CDC25A: variants seen among roughly 807,000 people sequenced by gnomAD.
CDC25A encodes the protein cell division cycle 25A, also known as M-phase inducer phosphatase 1.
A neutral mutation model predicts 64.6 loss-of-function variants in CDC25A; 17 were observed. The observed-to-expected ratio is 0.26, with a 90% CI of 0.18 to 0.39. The LOEUF (loss-of-function observed/expected upper bound fraction) is 0.39, where lower values mean the gene tolerates loss of function less well. CDC25A is among the 10% of genes least tolerant of loss of function. The pLI is 1.00. For synonymous variants in CDC25A, 229 were observed against 238.6 expected, an observed-to-expected ratio of 0.96 and a Z score of 0.37; for missense variants, 473 against 654.8, an observed-to-expected ratio of 0.72 and a Z score of 3.03.
intron 1 of CDC25A, among the ~76,000 whole-genome samples, chr3:48,187,170 G>A (rs2032872186): frequency 6.6e-6 from 1 of 152,202 alleles, no homozygotes. Context: ...GAGATTGAAG[G>A]GAAAGTAGCT....
intron 12 of CDC25A, among the ~76,000 whole-genome samples, chr3:48,164,946 A>G (rs1230086868): frequency 7.3e-6 from 1 of 136,982 alleles, no homozygotes; most frequent in Admixed American, 7.4e-5. Context: ...CGTCTCTACT[A>G]AAAAAAAAAA....
intron 9 of CDC25A, among the ~76,000 whole-genome samples, chr3:48,170,077 A>G (rs573658030): frequency 1.3e-5 from 2 of 152,098 alleles, no homozygotes; most frequent in African/African-American, 2.4e-5. Context: ...TGAGGAAAAC[A>G]CCCCACAAAC....
At chr3:48,177,211 G>C (rs2032496926) in intron 8 of CDC25A, among the ~76,000 whole-genome samples, 160 bp downstream of exon 8, 1 of 152,124 alleles carries the variant, frequency 6.6e-6, no homozygotes, top group Admixed American at 6.6e-5. Context: ...GAGATATCAT[G>C]ACTAAAGGTC....
intron 7 of CDC25A, 90 bp from the exon 8 acceptor site, chr3:48,177,532 C>T: frequency 3.2e-6 from 3 of 945,602 alleles, no homozygotes; most frequent in Non-Finnish European, 3.4e-6. Flanking sequence ...CTGAACAATA[C>T]CAGATAGGCC....
chr3:48,180,103 T>C (rs771502466), intron 6 of CDC25A, among the ~76,000 whole-genome samples: 2 of 151,916 alleles, frequency 1.3e-5, no homozygotes, highest in Non-Finnish European at 2.9e-5. Context: ...TTTAAAAAAA[T>C]TAAAAATAAA....
intron 9 of CDC25A, among the ~76,000 whole-genome samples, chr3:48,168,181 TAAAAAAA>T (rs33925813): frequency 8.9e-5 from 11 of 124,170 alleles, no homozygotes; most frequent in African/African-American, 2.7e-4. Context: ...CTTCCTTCCT[TAAAAAAA>T]AAAAAAAAAA....
chr3:48,177,387 A>G lies in CDC25A; in HGVS notation c.740T>C (p.Met247Thr). The change falls in exon 8 of 15, where the codon ATG becomes ACG. Residue 247 changes from methionine to threonine, a missense_variant. Met to Thr is a moderately conservative substitution (Grantham distance 81). Transcript: ENST00000302506. ...MASLWTAPLVMRTTNLDNRCK... is the reference protein window; with the variant it reads ...MASLWTAPLVTRTTNLDNRCK... ...ACAACTCACAAGGTTTGTAGTTCTC[A>G]TGACGAGAGGAGCTGTCCAGAGGCT... 6.2e-7 allele frequency: 1 copy of G among 1,612,120 alleles called. No individual in the cohort carries two copies. The highest frequency in any genetic ancestry group is 8.5e-7 in the Non-Finnish European group (1 of 1,178,156).
intron 6 of CDC25A, chr3:48,180,410 A>G: frequency 4.7e-6 from 1 of 212,296 alleles, no homozygotes; most frequent in Middle Eastern, 1.5e-3. Context: ...AAAGAAAAAA[A>G]GAAAAAAATA....
chr3:48,168,361 C>CACACACACAT (rs2032126440), intron 9 of CDC25A, among the ~76,000 whole-genome samples: 2 of 5,964 alleles, frequency 3.4e-4, no homozygotes, highest in Non-Finnish European at 3.2e-4. Context: ...AGACCCTGTC[C>CACACACACAT]ACACACACAC....
At chr3:48,178,953 C>G (rs2106745231) in intron 6 of CDC25A, among the ~76,000 whole-genome samples, 1 of 152,138 alleles carries the variant, frequency 6.6e-6, no homozygotes, top group East Asian at 1.9e-4. Flanking sequence ...CAGGGTAGTC[C>G]CAATGTTATG....
chr3:48,165,904 A>G lies in CDC25A; in HGVS notation c.1030-11T>C. 2.6e-6 allele frequency: 4 copies of G among 1,520,546 alleles called. No individual in the cohort carries two copies. The highest frequency in any genetic ancestry group is 3.7e-6 in the Non-Finnish European group (4 of 1,095,438). 94.2% of individuals were successfully genotyped at this position (1,520,546 alleles called of 1,614,324 possible). On this transcript the variant is annotated splice_polypyrimidine_tract_variant and intron_variant, in intron 10 of 14. Coordinates refer to ENST00000302506, the MANE Select transcript of CDC25A (RefSeq NM_001789.3). ...ATGAAAGAGATAACCCTTAAAAAGA[A>G]AAAAAGATACTTAGAGAATCTGAAA... is the stretch of plus-strand genomic sequence containing the variant.
Position 48,187,774 on chromosome 3 carries a change from T to C in CDC25A, c.170+4A>G. ...CGGAGCACCGCCCGCCGGTCTCTCC[T>C]TACCTGCCCAGACCCTGCAGCTGGT... On this transcript the variant is annotated splice_donor_region_variant and intron_variant, in intron 1 of 14. Coordinates refer to ENST00000302506, the MANE Select transcript of CDC25A (RefSeq NM_001789.3). 1 of 1,541,858 alleles carries C rather than the reference T, an allele frequency of 6.5e-7. No individual in the cohort carries two copies. Among genetic ancestry groups the C allele is most frequent in the Non-Finnish European group, 8.8e-7 (1 of 1,142,274 alleles).
chr3:48,171,455 A>G (rs1220844875), intron 9 of CDC25A, among the ~76,000 whole-genome samples: 1 of 146,184 alleles, frequency 6.8e-6, no homozygotes, highest in African/African-American at 2.5e-5. Context: ...ATCTCTGCTC[A>G]CTGCAACCTC....
chr3:48,183,460 C>T (rs1168386390), intron 4 of CDC25A, among the ~76,000 whole-genome samples: 2 of 152,056 alleles, frequency 1.3e-5, no homozygotes, highest in Admixed American at 6.6e-5. Flanking sequence ...TTTGGGAGGC[C>T]GAGGCAGGAG....
At chr3:48,184,306 G>A (rs561791462) in intron 3 of CDC25A, among the ~76,000 whole-genome samples, 1 of 152,008 alleles carries the variant, frequency 6.6e-6, no homozygotes, top group Non-Finnish European at 1.5e-5. Flanking sequence ...AGGTTGCAGT[G>A]AGCCACTGCA....
intron 6 of CDC25A, 144 bp downstream of exon 6, chr3:48,180,577 G>T: frequency 2.5e-6 from 2 of 808,210 alleles, no homozygotes; most frequent in Non-Finnish European, 3.8e-6. Context: ...AAACCACCAA[G>T]AATGCTTGAC....
At position 48,175,367 on chromosome 3, in the gene CDC25A, A is replaced by G. The variant is rs112916439; in HGVS notation, c.757-910T>C. Among the ~76,000 whole-genome samples the G allele has an allele frequency of 2.1e-3, 319 of 152,320 alleles. 3 individuals carry two copies. The highest frequency in any genetic ancestry group is 6.9e-3 in the African/African-American group (285 of 41,582). Reference sequence around the variant, plus strand: ...GGAAGCCAATCTGACCAGTGGTAGCAAGAGTCAGCTCTCTAAACGCATCTC... The same window carrying G: ...GGAAGCCAATCTGACCAGTGGTAGCGAGAGTCAGCTCTCTAAACGCATCTC... On this transcript the variant is annotated intron_variant, in intron 8 of 14. Transcript: ENST00000302506.
At chr3:48,183,451 T>G (rs3762798) in intron 4 of CDC25A, among the ~76,000 whole-genome samples, 2 of 152,246 alleles carry the variant, frequency 1.3e-5, no homozygotes, top group East Asian at 3.9e-4. Flanking sequence ...TCCTAGCACT[T>G]TGGGAGGCCG....
intron 1 of CDC25A, among the ~76,000 whole-genome samples, chr3:48,187,100 C>T (rs954200541): frequency 1.3e-5 from 2 of 152,218 alleles, no homozygotes; most frequent in African/African-American, 4.8e-5. Flanking sequence ...GAACAGGACA[C>T]TTTCTGCTTT....
Sources: gnomAD v4.1 joint callset for allele counts (sites outside exome capture counted in the v4.1 genomes callset) on GRCh38, gnomAD v4.1.1 for gene constraint, MANE v1.5 for transcripts, NCBI Gene and HGNC (gene_info 2026-07-23, HGNC 2026-07-21) for gene names.